Variants in EYS observed in about 807,000 individuals in gnomAD.
The protein encoded by EYS is EGF-like photoreceptor maintenance factor, also known as protein eyes shut homolog.
EYS carries 250 observed loss-of-function variants against 282.1 expected under a neutral mutation model. The observed-to-expected ratio is 0.89, with a 90% confidence interval of 0.80 to 0.98. The LOEUF (loss-of-function observed/expected upper bound fraction) is 0.98, where lower values mean the gene tolerates loss of function less well. Among genes scored for constraint, EYS ranks in the 50% least tolerant of loss-of-function variants. The probability of loss-of-function intolerance (pLI) is 0.00; values close to 1 mark genes in which losing one functional copy is unlikely to be tolerated. For missense variants in EYS, 4,016 were observed against 3,709.0 expected, an observed-to-expected ratio of 1.08 and a Z score of -2.15; for synonymous variants, 1,355 against 1,282.9, an observed-to-expected ratio of 1.06 and a Z score of -1.20.
chr6:65,082,984 G>T (rs1453962816), intron 12 of EYS, among the ~76,000 whole-genome samples: 1 of 151,796 alleles, frequency 6.6e-6, no homozygotes, highest in Non-Finnish European at 1.5e-5. Flanking sequence ...ATATTGATAG[G>T]CGAAATACTA....
At chr6:63,997,939 T>G (rs1402121915) in intron 34 of EYS, among the ~76,000 whole-genome samples, 1 of 152,176 alleles carries the variant, frequency 6.6e-6, no homozygotes. Flanking sequence ...CTATGAGTCA[T>G]TCATATATTT....
intron 9 of EYS, 120 bp downstream of exon 9, chr6:65,353,338 T>G: frequency 1.2e-6 from 1 of 836,122 alleles, no homozygotes; most frequent in East Asian, 2.7e-5. Flanking sequence ...ATTAATTTTA[T>G]TTTTAGTTTA....
chr6:64,455,393 A>G (rs73455411), intron 26 of EYS, among the ~76,000 whole-genome samples: 5,763 of 151,896 alleles, frequency 0.038, 367 homozygotes, highest in African/African-American at 0.13. Context: ...AAGACTTTTA[A>G]GCTTTCACAT....
At chr6:64,430,572 A>G (rs1324482960) in intron 28 of EYS, among the ~76,000 whole-genome samples, 4 of 152,194 alleles carry the variant, frequency 2.6e-5, no homozygotes, top group Non-Finnish European at 5.9e-5. Flanking sequence ...AGTGTTATAA[A>G]TTGTGTTTAC....
At chr6:64,821,508 C>T (rs1764898472) in intron 21 of EYS, 137 bp downstream of exon 21, 2 of 494,994 alleles carry the variant, frequency 4.0e-6, no homozygotes, top group African/African-American at 2.0e-5. Flanking sequence ...CAAAGAATTA[C>T]ACAGAGGAAA....
chr6:64,597,164 G>C (rs1319600379), intron 24 of EYS, among the ~76,000 whole-genome samples: 1 of 152,050 alleles, frequency 6.6e-6, no homozygotes, highest in Non-Finnish European at 1.5e-5. Flanking sequence ...ACTGCAATGA[G>C]ATATTATCTT....
chr6:65,397,090 G>A (rs1766305436), intron 7 of EYS, among the ~76,000 whole-genome samples: 1 of 151,774 alleles, frequency 6.6e-6, no homozygotes, highest in South Asian at 2.1e-4. Context: ...AGTGTCCCAA[G>A]TCTCAGTCGA....
At chr6:65,687,330 A>C (rs1045765541) in intron 1 of EYS, among the ~76,000 whole-genome samples, 5 of 152,146 alleles carry the variant, frequency 3.3e-5, no homozygotes, top group Non-Finnish European at 7.4e-5. Context: ...ATAACAGTCC[A>C]GTTGGAAATT....
chr6:64,968,520 CTT>C (rs777575948), intron 14 of EYS, among the ~76,000 whole-genome samples: 5 of 152,194 alleles, frequency 3.3e-5, no homozygotes, highest in African/African-American at 7.2e-5. Flanking sequence ...CAATCAATCT[CTT>C]TCTCCTTTTG....
intron 30 of EYS, among the ~76,000 whole-genome samples, chr6:64,260,865 A>G (rs919930918): frequency 1.3e-5 from 2 of 151,748 alleles, no homozygotes; most frequent in Admixed American, 6.6e-5. Context: ...TCCAATTTGT[A>G]TATCTTTTTT....
At chr6:64,894,265 T>C (rs1767383021) in intron 18 of EYS, among the ~76,000 whole-genome samples, 1 of 152,052 alleles carries the variant, frequency 6.6e-6, no homozygotes, top group Admixed American at 6.6e-5. Context: ...GATGTTGCCA[T>C]GGAATTGGGT....
intron 22 of EYS, among the ~76,000 whole-genome samples, chr6:64,691,419 A>T (rs1270945074): frequency 1.3e-5 from 2 of 152,210 alleles, no homozygotes; most frequent in African/African-American, 4.8e-5. Flanking sequence ...TGAATAGAGT[A>T]TTTTTCAGAA....
At chr6:63,994,062 C>T (rs529400148) in intron 34 of EYS, among the ~76,000 whole-genome samples, 8 of 151,956 alleles carry the variant, frequency 5.3e-5, no homozygotes, top group South Asian at 2.1e-4. Flanking sequence ...AAATGGTCTT[C>T]GGAAAACTGG....
intron 2 of EYS, among the ~76,000 whole-genome samples, chr6:65,502,134 A>G (rs1330467507): frequency 1.3e-5 from 2 of 151,884 alleles, no homozygotes; most frequent in South Asian, 2.1e-4. Flanking sequence ...TAGCTTAAGT[A>G]TATAAAAGTC....
intron 22 of EYS, among the ~76,000 whole-genome samples, chr6:64,781,762 A>G (rs894722284): frequency 1.3e-5 from 2 of 152,126 alleles, no homozygotes; most frequent in Non-Finnish European, 2.9e-5. Flanking sequence ...ACAAGCTACA[A>G]GCCCCACTAC....
At chr6:65,515,932 A>T (rs1199500743) in intron 2 of EYS, among the ~76,000 whole-genome samples, 1 of 152,052 alleles carries the variant, frequency 6.6e-6, no homozygotes, top group Non-Finnish European at 1.5e-5. Context: ...CCTAAAACTT[A>T]AAGTATAATA....
rs543124654 is a variant in EYS, at chr6:65,261,417, C to T, written c.2023+34446G>A. ...CTGTCTGGTGTGCATGTGTTTACCA[C>T]TCCTCTGTTGTTAAGCAGCAAATAT... On this transcript the variant is annotated intron_variant, in intron 12 of 42. Coordinates refer to ENST00000503581, the MANE Select transcript of EYS (RefSeq NM_001142800.2). Among the ~76,000 whole-genome samples the T allele has an allele frequency of 5.3e-5, 8 of 152,016 alleles. No homozygotes were observed. In the East Asian group the frequency reaches 1.2e-3, roughly 22 times the overall value.
chr6:65,313,448 C>G (rs1038946416), intron 11 of EYS, among the ~76,000 whole-genome samples: 1 of 151,642 alleles, frequency 6.6e-6, no homozygotes, highest in African/African-American at 2.4e-5. Context: ...GCATCTCAGA[C>G]ATACTGTGAT....
intron 36 of EYS, among the ~76,000 whole-genome samples, chr6:63,838,209 GTTTCT>G (rs1200744120): frequency 2.7e-5 from 4 of 148,978 alleles, no homozygotes; most frequent in South Asian, 2.1e-4. Context: ...TTCCAACTGT[GTTTCT>G]TTTCTTTTCT....
Sources: gnomAD v4.1 joint callset for allele counts (sites outside exome capture counted in the v4.1 genomes callset) on GRCh38, gnomAD v4.1.1 for gene constraint, MANE v1.5 for transcripts, NCBI Gene and HGNC (gene_info 2026-07-23, HGNC 2026-07-21) for gene names.